The following C12orf56 variants were observed in gnomAD, a reference collection of about 807,000 sequenced individuals.
C12orf56 encodes uncharacterized protein C12orf56.
Under a neutral mutation model 69.9 loss-of-function variants are expected in C12orf56, and 71 were observed. The observed-to-expected ratio is 1.02, with a 90% CI of 0.84 to 1.24. C12orf56 has a LOEUF of 1.24. C12orf56 is among the 50% of genes most tolerant of loss of function. The pLI is 0.00. For synonymous variants in C12orf56, 276 were observed against 274.1 expected, an observed-to-expected ratio of 1.01 and a Z score of -0.07; for missense variants, 732 against 738.5, an observed-to-expected ratio of 0.99 and a Z score of 0.10.
Position 64,344,975 on chromosome 12 carries a change from A to G in C12orf56, c.415+7919T>C, listed in dbSNP as rs1337995162. Reference sequence around the variant, plus strand: ...CTGCAACATTAAACGCAGAGTCCCTACTTAGTGGGGCCAAATCAATAAATT... The same window carrying G: ...CTGCAACATTAAACGCAGAGTCCCTGCTTAGTGGGGCCAAATCAATAAATT... On this transcript the variant is annotated intron_variant, in intron 2 of 12. Transcript: ENST00000543942. Among the ~76,000 whole-genome samples the G allele has an allele frequency of 3.3e-5, 5 of 152,128 alleles. No individual in the cohort carries two copies. In the East Asian group the frequency reaches 9.7e-4, roughly 29 times the overall value.
chr12:64,343,149 A>G (rs1300802104), intron 2 of C12orf56, among the ~76,000 whole-genome samples: 1 of 152,132 alleles, frequency 6.6e-6, no homozygotes. Context: ...GAAGCAACTT[A>G]TCCTTCACCT....
At chr12:64,312,547 T>G in intron 5 of C12orf56, 132 bp downstream of exon 5, 2 of 614,024 alleles carry the variant, frequency 3.3e-6, no homozygotes, top group Non-Finnish European at 2.8e-6. Flanking sequence ...AGGTAGAGGT[T>G]GCAGTGAGCC....
At chr12:64,311,053 A>C (rs898775458) in intron 5 of C12orf56, among the ~76,000 whole-genome samples, 9 of 152,172 alleles carry the variant, frequency 5.9e-5, no homozygotes, top group Non-Finnish European at 2.9e-5. Flanking sequence ...TGAACTCATC[A>C]TTTTTTATGG....
At chr12:64,371,167 C>T (rs562882301) in intron 1 of C12orf56, among the ~76,000 whole-genome samples, 5 of 152,096 alleles carry the variant, frequency 3.3e-5, no homozygotes, top group African/African-American at 1.2e-4. Flanking sequence ...TTTGGGAGGC[C>T]GAGGCTGGTG....
intron 3 of C12orf56, 117 bp downstream of exon 3, chr12:64,330,842 AG>A (rs2038920415): frequency 1.3e-6 from 1 of 742,892 alleles, no homozygotes; most frequent in African/African-American, 1.8e-5. Context: ...TGCATATGTA[AG>A]ATTAATAGAA....
At chr12:64,351,806 A>G (rs1481771981) in intron 2 of C12orf56, among the ~76,000 whole-genome samples, 1 of 151,580 alleles carries the variant, frequency 6.6e-6, no homozygotes, top group Non-Finnish European at 1.5e-5. Flanking sequence ...TTAACAGAGG[A>G]GTAGCCATTC....
chr12:64,343,996 G>A (rs1268888949), intron 2 of C12orf56, among the ~76,000 whole-genome samples: 2 of 152,076 alleles, frequency 1.3e-5, no homozygotes, highest in Admixed American at 6.6e-5. Flanking sequence ...ACTGTAACTC[G>A]AAGCTGAGCT....
At chr12:64,346,210 A>T (rs1045587459) in intron 2 of C12orf56, among the ~76,000 whole-genome samples, 5 of 152,258 alleles carry the variant, frequency 3.3e-5, no homozygotes, top group African/African-American at 1.2e-4. Context: ...GAGCAAAGAG[A>T]GTCAGACCGA....
Position 64,286,077 on chromosome 12 carries a change from G to C in C12orf56, c.1114-17C>G, listed in dbSNP as rs890391486. On this transcript the variant is annotated splice_polypyrimidine_tract_variant and intron_variant, in intron 6 of 12. Transcript: ENST00000543942. ...GTCACTGGTCTGTGAAAGCAAGTTGGAAAAAAAGACAGTAATTAAGGTATC... is the reference window on the plus strand; with the variant it reads ...GTCACTGGTCTGTGAAAGCAAGTTGCAAAAAAAGACAGTAATTAAGGTATC... 5.4e-6 allele frequency: 8 copies of C among 1,475,090 alleles called. No individual in the cohort carries two copies. Among genetic ancestry groups the C allele is most frequent in the Non-Finnish European group, 7.5e-6 (8 of 1,072,070 alleles). The allele number at this position is 1,475,090 out of a possible 1,614,324, so 91.4% of individuals were successfully genotyped here. A position where few individuals can be genotyped will look rare whatever the true frequency, so the allele number is the denominator to read the frequency against.
intron 1 of C12orf56, among the ~76,000 whole-genome samples, chr12:64,366,335 CAGTTTATATATTATATATTAT>C (rs1418074534): frequency 2.1e-5 from 2 of 93,412 alleles, no homozygotes; most frequent in Non-Finnish European, 3.8e-5. Context: ...ATATTATATA[CAGTTTATATATTATATATTAT>C]ATACAGTTTA....
At chr12:64,325,688 AAAG>A (rs1358855038) in intron 3 of C12orf56, among the ~76,000 whole-genome samples, 1 of 152,200 alleles carries the variant, frequency 6.6e-6, no homozygotes, top group African/African-American at 2.4e-5. Context: ...GCAGAAGCCA[AAAG>A]AAGGGGAGAC....
intron 2 of C12orf56, among the ~76,000 whole-genome samples, chr12:64,334,184 A>G (rs1006313828): frequency 2.0e-5 from 3 of 152,232 alleles, no homozygotes; most frequent in Admixed American, 1.3e-4. Flanking sequence ...AAGGGGTTCA[A>G]TTATATTCAT....
chr12:64,335,644 C>A (rs528294903), intron 2 of C12orf56, among the ~76,000 whole-genome samples: 79 of 152,194 alleles, frequency 5.2e-4, no homozygotes, highest in Admixed American at 7.8e-4. Flanking sequence ...TCAGCCTTGG[C>A]AATTCAAAGT....
At chr12:64,351,637 G>A (rs758539591) in intron 2 of C12orf56, among the ~76,000 whole-genome samples, 12 of 152,036 alleles carry the variant, frequency 7.9e-5, no homozygotes, top group Non-Finnish European at 1.5e-4. Context: ...AGTGAAAGCC[G>A]CTTTGATACC....
At chr12:64,352,532 C>T (rs981226919) in intron 2 of C12orf56, 11 of 156,806 alleles carry the variant, frequency 7.0e-5, no homozygotes, top group African/African-American at 1.9e-4. Flanking sequence ...TGGGTGTGCC[C>T]GCAATGGATG....
At chr12:64,288,844 G>T (rs1257469183) in intron 6 of C12orf56, among the ~76,000 whole-genome samples, 2 of 151,344 alleles carry the variant, frequency 1.3e-5, no homozygotes, top group Non-Finnish European at 2.9e-5. Context: ...CTCTTTTTTG[G>T]TTCCATATGA....
chr12:64,352,116 G>C (rs59737721), intron 2 of C12orf56, among the ~76,000 whole-genome samples: 1 of 147,208 alleles, frequency 6.8e-6, no homozygotes, highest in Non-Finnish European at 1.5e-5. Context: ...TTTTTTTTTT[G>C]TTTTTTTTTT....
chr12:64,278,309 CT>C (rs1023757900), intron 8 of C12orf56, among the ~76,000 whole-genome samples: 3 of 151,928 alleles, frequency 2.0e-5, no homozygotes, highest in African/African-American at 7.3e-5. Flanking sequence ...CTTCTTTTTT[CT>C]TTTTTTAGGT....
chr12:64,345,661 C>T (rs2039131731), intron 2 of C12orf56, among the ~76,000 whole-genome samples: 1 of 152,158 alleles, frequency 6.6e-6, no homozygotes, highest in Non-Finnish European at 1.5e-5. Context: ...GACTCTCACT[C>T]AGGGCAATCT....
Sources: allele counts gnomAD v4.1 joint callset (sites outside exome capture counted in the v4.1 genomes callset), GRCh38; gene constraint gnomAD v4.1.1; transcripts MANE v1.5; gene names NCBI Gene and HGNC (gene_info 2026-07-23, HGNC 2026-07-21).